The following PDE10A variants were observed in gnomAD, a reference collection of about 807,000 sequenced individuals.
PDE10A encodes the protein cAMP and cAMP-inhibited cGMP 3',5'-cyclic phosphodiesterase 10A.
Under a neutral mutation model 97.7 loss-of-function variants are expected in PDE10A, and 39 were observed. That is an observed-to-expected ratio of 0.40 (90% CI 0.31 to 0.52). The LOEUF is 0.52. Ranked by LOEUF, PDE10A falls within the 20% of genes least tolerant of loss-of-function variation. The pLI is 0.56. For missense variants in PDE10A, 731 were observed against 1,047.8 expected, an observed-to-expected ratio of 0.70 and a Z score of 4.17; for synonymous variants, 371 against 376.8, an observed-to-expected ratio of 0.98 and a Z score of 0.18.
chr6:165,657,465 C>T (rs965498613), intron 1 of PDE10A, among the ~76,000 whole-genome samples: 10 of 152,238 alleles, frequency 6.6e-5, no homozygotes, highest in Non-Finnish European at 1.5e-4. Flanking sequence ...CAGATTGCAT[C>T]AGCTATTTCG....
intron 1 of PDE10A, among the ~76,000 whole-genome samples, chr6:165,846,203 C>T (rs1399275841): frequency 1.3e-5 from 2 of 152,226 alleles, no homozygotes; most frequent in East Asian, 1.9e-4. Flanking sequence ...GTCATTTCAC[C>T]TACAAGCCTG....
At chr6:165,391,867 T>C (rs186856287) in intron 16 of PDE10A, among the ~76,000 whole-genome samples, 75 of 152,314 alleles carry the variant, frequency 4.9e-4, no homozygotes, top group African/African-American at 1.8e-3. Flanking sequence ...AATTTATTTA[T>C]CACAAAGATG....
chr6:165,674,542 G>A (rs770535993), intron 1 of PDE10A, among the ~76,000 whole-genome samples: 4 of 152,160 alleles, frequency 2.6e-5, no homozygotes, highest in Non-Finnish European at 4.4e-5. Flanking sequence ...GCAAATGCCC[G>A]CCAACGACTG....
intron 1 of PDE10A, among the ~76,000 whole-genome samples, chr6:165,859,241 G>C (rs1375126300): frequency 2.0e-5 from 3 of 152,172 alleles, no homozygotes; most frequent in African/African-American, 7.2e-5. Context: ...TTATTTCCAT[G>C]GGGCAGAGCA....
intron 1 of PDE10A, among the ~76,000 whole-genome samples, chr6:165,823,172 G>A (rs1376721500): frequency 6.6e-6 from 1 of 151,136 alleles, no homozygotes; most frequent in Non-Finnish European, 1.5e-5. Context: ...TGTCCAAAAG[G>A]GTCCAAACAC....
At chr6:165,922,685 T>C (rs1782790053) in intron 1 of PDE10A, among the ~76,000 whole-genome samples, 2 of 152,152 alleles carry the variant, frequency 1.3e-5, no homozygotes, top group Admixed American at 1.3e-4. Flanking sequence ...TAACCTTAAG[T>C]AACCCAGACC....
chr6:165,827,383 AC>A (rs1310187405), intron 1 of PDE10A, among the ~76,000 whole-genome samples: 2 of 152,090 alleles, frequency 1.3e-5, no homozygotes, highest in Non-Finnish European at 2.9e-5. Flanking sequence ...GCCAAGCTCC[AC>A]CCCGAACTCT....
chr6:165,340,682 A>T (rs55649954), intron 19 of PDE10A, among the ~76,000 whole-genome samples: 5,824 of 152,330 alleles, frequency 0.038, 156 homozygotes, highest in Non-Finnish European at 0.057. Flanking sequence ...CCATGGCTCT[A>T]ACAGAGGGCT....
intron 2 of PDE10A, among the ~76,000 whole-genome samples, chr6:165,499,477 G>A (rs748078709): frequency 7.2e-5 from 11 of 152,238 alleles, no homozygotes; most frequent in South Asian, 2.1e-4. Flanking sequence ...TCAGCAATGC[G>A]GCTCTTGTTA....
At chr6:165,936,436 A>T (rs1416575956) in intron 1 of PDE10A, among the ~76,000 whole-genome samples, 1 of 152,252 alleles carries the variant, frequency 6.6e-6, no homozygotes, top group African/African-American at 2.4e-5. Context: ...AATGTTGTCA[A>T]GGAATCCAAG....
At chr6:165,792,663 C>T (rs137873489) in intron 1 of PDE10A, among the ~76,000 whole-genome samples, 130 of 152,140 alleles carry the variant, frequency 8.5e-4, no homozygotes, top group Middle Eastern at 3.4e-3. Flanking sequence ...AATGCGGTCC[C>T]GACGCTGACC....
At chr6:165,947,189 T>A (rs1366062158) in intron 1 of PDE10A, 1 of 152,238 alleles carries the variant, frequency 6.6e-6, no homozygotes, top group Admixed American at 6.5e-5. Flanking sequence ...AGTCATTTTG[T>A]CTTTTCCTCT....
chr6:165,521,684 T>C (rs903690752), intron 2 of PDE10A, among the ~76,000 whole-genome samples: 1 of 152,156 alleles, frequency 6.6e-6, no homozygotes, highest in Admixed American at 6.6e-5. Flanking sequence ...CTATGAAGGC[T>C]GAGAGAGGTC....
At chr6:165,969,429 A>G (rs1784607228) in intron 1 of PDE10A, among the ~76,000 whole-genome samples, 1 of 152,296 alleles carries the variant, frequency 6.6e-6, no homozygotes, top group Admixed American at 6.5e-5. Context: ...AATAAGACAC[A>G]GCTGTAGCTA....
At chr6:165,631,783 A>C (rs1397879124) in intron 1 of PDE10A, among the ~76,000 whole-genome samples, 1 of 152,254 alleles carries the variant, frequency 6.6e-6, no homozygotes. Flanking sequence ...ATTCTATCTC[A>C]TATAAAACGT....
At chr6:165,954,124 C>A (rs780530243) in intron 1 of PDE10A, among the ~76,000 whole-genome samples, 3 of 152,198 alleles carry the variant, frequency 2.0e-5, no homozygotes, top group African/African-American at 7.2e-5. Context: ...CTGTGTGGAA[C>A]GACCACAGTT....
intron 1 of PDE10A, among the ~76,000 whole-genome samples, chr6:165,793,889 C>A (rs1352783203): frequency 6.6e-6 from 1 of 152,202 alleles, no homozygotes; most frequent in African/African-American, 2.4e-5. Context: ...GGGCCAGGTA[C>A]TGGGATTGGC....
chr6:165,553,089 C>A (rs1291119618), intron 1 of PDE10A, among the ~76,000 whole-genome samples: 1 of 152,156 alleles, frequency 6.6e-6, no homozygotes, highest in Non-Finnish European at 1.5e-5. Flanking sequence ...CTTCACTTTC[C>A]TTTTTTCATC....
chr6:165,859,437 C>T (rs1480921241), intron 1 of PDE10A, among the ~76,000 whole-genome samples: 1 of 152,252 alleles, frequency 6.6e-6, no homozygotes, highest in African/African-American at 2.4e-5. Flanking sequence ...CAGCTCCCTG[C>T]TCCTCCTTCC....
Sources: allele counts gnomAD v4.1 joint callset (sites outside exome capture counted in the v4.1 genomes callset), GRCh38; gene constraint gnomAD v4.1.1; transcripts MANE v1.5; gene names NCBI Gene and HGNC (gene_info 2026-07-23, HGNC 2026-07-21).